Variants in PLS1 observed in about 807,000 individuals in gnomAD.
The protein encoded by PLS1 is plastin-1.
Under a neutral mutation model 73.7 loss-of-function variants are expected in PLS1, and 32 were observed. The observed-to-expected ratio is 0.43, with a 90% confidence interval of 0.33 to 0.58. The LOEUF (loss-of-function observed/expected upper bound fraction) is 0.58. PLS1 is among the 20% of genes least tolerant of loss of function. The pLI is 0.04. For missense variants in PLS1, 633 were observed against 740.5 expected (o/e 0.85, Z 1.68); for synonymous variants, 217 against 261.3 (o/e 0.83, Z 1.63).
At chr3:142,703,021 T>C (rs1037259069) in intron 12 of PLS1, among the ~76,000 whole-genome samples, 8 of 152,216 alleles carry the variant, frequency 5.3e-5, no homozygotes, top group African/African-American at 9.6e-5. Context: ...AAGCAAAGGA[T>C]AGATCATTAT....
In PLS1 at chr3:142,711,888, G is replaced by T; in HGVS notation, c.1771G>T (p.Ala591Ser). The change falls in exon 16 of 16, where the codon GCT becomes TCT. Residue 591 changes from alanine to serine, a missense_variant. Transcript: ENST00000457734. ...CTCTTCAAGATACGCCATTTCAGTT[G>T]CTCGAAAGATCGGTGCCCGGATATA... ...LNNAKYAISV[A>S]RKIGARIYAL... 1 of 1,613,656 alleles carries T rather than the reference G, an allele frequency of 6.2e-7. No homozygotes were observed. The highest frequency in any genetic ancestry group is 8.5e-7 in the Non-Finnish European group (1 of 1,179,656).
chr3:142,599,167 C>CATGAATGA (rs200763781), intron 1 of PLS1, among the ~76,000 whole-genome samples: 1 of 142,364 alleles, frequency 7.0e-6, no homozygotes, highest in Admixed American at 6.9e-5. Context: ...ATAGTTATTA[C>CATGAATGA]ATGAATGAAT....
intron 1 of PLS1, among the ~76,000 whole-genome samples, chr3:142,624,620 G>A (rs1475559743): frequency 6.6e-6 from 1 of 152,186 alleles, no homozygotes; most frequent in Admixed American, 6.5e-5. Context: ...CTTTTAAAAA[G>A]TTAAGTATGT....
chr3:142,709,780 G>A (rs1933029364), intron 14 of PLS1, among the ~76,000 whole-genome samples: 1 of 149,516 alleles, frequency 6.7e-6, no homozygotes, highest in African/African-American at 2.5e-5. Context: ...TGGCAACACT[G>A]CACGCCAGCC....
rs939752934 is a variant in PLS1, at chr3:142,632,596, G to A, written c.-36-31606G>A. On this transcript the variant is annotated intron_variant, in intron 1 of 15. Coordinates refer to ENST00000457734, the MANE Select transcript of PLS1 (RefSeq NM_001145319.2). ...ATATATTTGAAAAAATTTAGAGCAG[G>A]ATTTTTTTTTTTTTTCCCCTGAGAC... 6.1e-4 allele frequency among the ~76,000 whole-genome samples: 67 copies of A among 110,692 alleles called. 1 individual carries two copies. The Middle Eastern group carries it at 0.015, about 25-fold the overall frequency. The allele number at this position is 110,692 out of a possible 152,430, so 72.6% of individuals were successfully genotyped here. A position where few individuals can be genotyped will look rare whatever the true frequency, so the allele number is the denominator to read the frequency against.
rs557513580 is a variant in PLS1, at chr3:142,626,223, G to C, written c.-37+29714G>C. ...GGACATAGTTTTAGCAACAAGAAGA[G>C]TGAGGACGATGGAAAATCAGGAAGC... is the stretch of plus-strand genomic sequence containing the variant. On this transcript the variant is annotated intron_variant, in intron 1 of 15. Coordinates refer to ENST00000457734, the MANE Select transcript of PLS1 (RefSeq NM_001145319.2). Among the ~76,000 whole-genome samples, 59 of 152,310 alleles carry C rather than the reference G, an allele frequency of 3.9e-4. 2 individuals carry two copies. The South Asian group carries it at 9.5e-3, about 25-fold the overall frequency.
At chr3:142,689,288 G>A (rs987083955) in intron 9 of PLS1, among the ~76,000 whole-genome samples, 1 of 152,094 alleles carries the variant, frequency 6.6e-6, no homozygotes, top group Non-Finnish European at 1.5e-5. Context: ...GCTGGGCATA[G>A]TGGCATGTGT....
At chr3:142,625,984 T>C (rs1010737003) in intron 1 of PLS1, among the ~76,000 whole-genome samples, 5 of 152,224 alleles carry the variant, frequency 3.3e-5, no homozygotes, top group East Asian at 3.9e-4. Flanking sequence ...AAAAAATGAA[T>C]GAATGAATGA....
At chr3:142,690,655 A>G (rs943984049) in intron 10 of PLS1, among the ~76,000 whole-genome samples, 4 of 152,244 alleles carry the variant, frequency 2.6e-5, no homozygotes, top group Non-Finnish European at 5.9e-5. Flanking sequence ...ACAAAATGTC[A>G]AGTAATCTTT....
chr3:142,704,402 A>G (rs955340384), intron 13 of PLS1, 61 bp from the exon 14 acceptor site: 1 of 1,333,608 alleles, frequency 7.5e-7, no homozygotes, highest in South Asian at 1.3e-5. Flanking sequence ...ACATTGATAT[A>G]AATTATGTGA....
chr3:142,639,497 T>C (rs1488766748), intron 1 of PLS1, among the ~76,000 whole-genome samples: 2 of 152,226 alleles, frequency 1.3e-5, no homozygotes, highest in Non-Finnish European at 2.9e-5. Context: ...TAACATTGCT[T>C]TTCTCCAATT....
At position 142,671,020 on chromosome 3, in the gene PLS1, A is replaced by T; in HGVS notation, c.262A>T (p.Ile88Phe). Residue 88 changes from isoleucine (I) to phenylalanine (F), a missense_variant, in exon 4 of 16, where the codon ATC (isoleucine) becomes TTC (phenylalanine). Physicochemically the swap from Ile to Phe is conservative, Grantham distance 21. Coordinates refer to ENST00000457734, the MANE Select transcript of PLS1 (RefSeq NM_001145319.2). The part of the protein sequence containing the change: ...SLMQELKSKD[I>F]SKTFRKIINK... Reference sequence around the variant, plus strand: ...AATGCAAGAATTAAAAAGCAAAGATATCAGCAAAACATTCCGAAAAATAAT... The same window carrying T: ...AATGCAAGAATTAAAAAGCAAAGATTTCAGCAAAACATTCCGAAAAATAAT... The T allele has an allele frequency of 6.2e-7, 1 of 1,600,786 alleles. No homozygotes were observed. The highest frequency in any genetic ancestry group is 8.6e-7 in the Non-Finnish European group (1 of 1,169,272).
intron 1 of PLS1, among the ~76,000 whole-genome samples, chr3:142,632,757 C>G (rs997078856): frequency 6.6e-6 from 1 of 152,060 alleles, no homozygotes; most frequent in African/African-American, 2.4e-5. Flanking sequence ...TGCCACCATA[C>G]CCGGCTAATT....
chr3:142,623,744 T>C (rs983483291), intron 1 of PLS1, among the ~76,000 whole-genome samples: 3 of 152,238 alleles, frequency 2.0e-5, no homozygotes, highest in Non-Finnish European at 4.4e-5. Flanking sequence ...GGTGTGAAGA[T>C]AATATAATTC....
Position 142,659,481 on chromosome 3 carries a change from A to G in PLS1, c.-36-4721A>G, listed in dbSNP as rs184889110. ...CAGTAATGTGTATCTTTAGACCACT[A>G]GTATTTGTTTCATTTTTTTTAAATG... On this transcript the variant is annotated intron_variant, in intron 1 of 15. Transcript: ENST00000457734. Among the ~76,000 whole-genome samples, 412 of 152,306 alleles carry G rather than the reference A, an allele frequency of 2.7e-3. 4 individuals carry two copies. Among genetic ancestry groups the G allele is most frequent in the South Asian group, 0.022 (106 of 4,824 alleles).
At chr3:142,708,118 G>C (rs1932936953) in intron 14 of PLS1, among the ~76,000 whole-genome samples, 2 of 152,108 alleles carry the variant, frequency 1.3e-5, no homozygotes, top group Non-Finnish European at 2.9e-5. Flanking sequence ...TCAATAAATG[G>C]GGCTTACCAC....
At chr3:142,626,555 A>C (rs6773213) in intron 1 of PLS1, among the ~76,000 whole-genome samples, 37,500 of 152,146 alleles carry the variant, frequency 0.25, 6,497 homozygotes, top group African/African-American at 0.5. Flanking sequence ...AATATCTCAT[A>C]GTACAATATG....
rs1296732221 is a variant in PLS1 at position 142,596,405 on chromosome 3, G to T, written c.-141G>T. 1.3e-5 allele frequency: 2 copies of T among 152,344 alleles called. No homozygotes were observed. Among genetic ancestry groups the T allele is most frequent in the Non-Finnish European group, 2.9e-5 (2 of 68,126 alleles). 9.4% of individuals were successfully genotyped at this position (152,344 alleles called of 1,614,324 possible). On this transcript the variant is annotated 5_prime_UTR_variant, in exon 1 of 16. Transcript: ENST00000457734. The stretch of plus-strand genomic sequence containing the variant: ...GCCGAGCATGCGCAGTGGCGCGAGC[G>T]CAGCGGCTACGCGGGCGCGGAGAGG...
At chr3:142,689,127 T>C (rs2038033072) in intron 9 of PLS1, among the ~76,000 whole-genome samples, 1 of 152,158 alleles carries the variant, frequency 6.6e-6, no homozygotes, top group Non-Finnish European at 1.5e-5. Flanking sequence ...AGAGACTTTT[T>C]TCCTTTTAAC....
Sources: gnomAD v4.1 joint callset for allele counts (sites outside exome capture counted in the v4.1 genomes callset) on GRCh38, gnomAD v4.1.1 for gene constraint, MANE v1.5 for transcripts, NCBI Gene and HGNC (gene_info 2026-07-23, HGNC 2026-07-21) for gene names.